PCDH15: variants seen among roughly 807,000 people sequenced by gnomAD.
The protein encoded by PCDH15 is protocadherin-15.
PCDH15 carries 129 observed loss-of-function variants against 178.5 expected under a neutral mutation model. The ratio of observed to expected loss-of-function variants is 0.72; its 90% CI spans 0.63 to 0.84. The LOEUF is 0.84. PCDH15 is among the 40% of genes least tolerant of loss of function. The probability of loss-of-function intolerance (pLI) is 0.00; values close to 1 mark genes in which losing one functional copy is unlikely to be tolerated. For synonymous variants in PCDH15, 800 were observed against 732.0 expected, an observed-to-expected ratio of 1.09 and a Z score of -1.50; for missense variants, 2,230 against 2,099.9, an observed-to-expected ratio of 1.06 and a Z score of -1.21.
At chr10:55,424,075 GA>G (rs1838690236) in intron 2 of PCDH15, among the ~76,000 whole-genome samples, 1 of 152,076 alleles carries the variant, frequency 6.6e-6, no homozygotes, top group Non-Finnish European at 1.5e-5. Context: ...GAGGCTAAGT[GA>G]AAGATGTTAT....
intron 2 of PCDH15, among the ~76,000 whole-genome samples, chr10:55,091,943 GT>G (rs753528673): frequency 1.6e-4 from 24 of 151,508 alleles, no homozygotes; most frequent in East Asian, 1.2e-3. Context: ...GAAACTGTGG[GT>G]AAAACCAAGA....
chr10:54,830,261 G>T (rs1953200697), intron 3 of PCDH15, among the ~76,000 whole-genome samples: 1 of 152,074 alleles, frequency 6.6e-6, no homozygotes, highest in South Asian at 2.1e-4. Flanking sequence ...TATAAATCAT[G>T]CTGCTATAAA....
intron 1 of PCDH15, among the ~76,000 whole-genome samples, chr10:55,313,792 A>C (rs1469348724): frequency 2.6e-5 from 4 of 152,254 alleles, no homozygotes; most frequent in South Asian, 2.1e-4. Context: ...GGGACCTGAA[A>C]AACATTGCTG....
intron 2 of PCDH15, among the ~76,000 whole-genome samples, chr10:55,131,673 T>G (rs1591927286): frequency 6.6e-6 from 1 of 151,858 alleles, no homozygotes; most frequent in African/African-American, 2.4e-5. Flanking sequence ...GTTGTGCTGG[T>G]GTCTATGCAG....
At chr10:54,724,921 GA>G (rs1942255780) in intron 1 of PCDH15, among the ~76,000 whole-genome samples, 1 of 142,014 alleles carries the variant, frequency 7.0e-6, no homozygotes, top group Non-Finnish European at 1.6e-5. Context: ...TATAGATATA[GA>G]TATAGATATA....
intron 29 of PCDH15, 52 bp from the exon 30 acceptor site, chr10:53,831,585 T>C (rs1328467068): frequency 7.6e-7 from 1 of 1,309,860 alleles, no homozygotes; most frequent in Admixed American, 1.9e-5. Flanking sequence ...AGAAAGAGCA[T>C]TTTAAAAATA....
intron 2 of PCDH15, among the ~76,000 whole-genome samples, chr10:55,416,051 GCAAACAAACAAACAAA>G (rs142167707): frequency 0.017 from 2,592 of 150,268 alleles, 91 homozygotes; most frequent in African/African-American, 0.059. Flanking sequence ...AAACAAACAA[GCAAACAAACAAACAAA>G]CAAACAAACA....
chr10:54,312,617 T>C (rs1263978372), intron 8 of PCDH15, among the ~76,000 whole-genome samples: 2 of 152,096 alleles, frequency 1.3e-5, no homozygotes, highest in Admixed American at 6.6e-5. Flanking sequence ...TATAAGAGGC[T>C]TCAGTGGGGT....
chr10:54,197,816 TG>T (rs1270140603), intron 10 of PCDH15, among the ~76,000 whole-genome samples: 1 of 152,188 alleles, frequency 6.6e-6, no homozygotes, highest in East Asian at 1.9e-4. Flanking sequence ...ATTGAAGATT[TG>T]TTGAAATATT....
At chr10:55,486,652 A>G (rs1280979290) in intron 2 of PCDH15, among the ~76,000 whole-genome samples, 2 of 151,386 alleles carry the variant, frequency 1.3e-5, no homozygotes, top group African/African-American at 2.4e-5. Context: ...ATAGGCTCAT[A>G]GTTTTGCTGA....
intron 3 of PCDH15, among the ~76,000 whole-genome samples, chr10:54,806,988 T>A (rs753235504): frequency 6.6e-6 from 1 of 152,186 alleles, no homozygotes; most frequent in African/African-American, 2.4e-5. Flanking sequence ...AGGACTGATA[T>A]CCTATCACCT....
At chr10:53,910,764 TA>T (rs572599337) in intron 25 of PCDH15, among the ~76,000 whole-genome samples, 4 of 152,026 alleles carry the variant, frequency 2.6e-5, no homozygotes, top group Admixed American at 1.3e-4. Context: ...CTAAAAACCT[TA>T]AAAAAAGATT....
chr10:55,092,246 C>T (rs940261921), intron 2 of PCDH15, among the ~76,000 whole-genome samples: 2 of 151,784 alleles, frequency 1.3e-5, no homozygotes, highest in African/African-American at 4.8e-5. Context: ...TCACCCTTTA[C>T]AAATAATAGC....
At chr10:54,265,049 G>T (rs2057580969) in intron 8 of PCDH15, among the ~76,000 whole-genome samples, 1 of 152,130 alleles carries the variant, frequency 6.6e-6, no homozygotes, top group African/African-American at 2.4e-5. Flanking sequence ...AACCCCATCA[G>T]ACTAACTGGT....
At chr10:54,696,038 T>C (rs1236543445) in intron 1 of PCDH15, among the ~76,000 whole-genome samples, 4 of 152,034 alleles carry the variant, frequency 2.6e-5, no homozygotes, top group South Asian at 4.1e-4. Context: ...ATTCAAGTTT[T>C]ATTATTTAAG....
chr10:54,063,826 C>T (rs1446420496), intron 18 of PCDH15, among the ~76,000 whole-genome samples: 3 of 152,140 alleles, frequency 2.0e-5, no homozygotes, highest in Admixed American at 1.3e-4. Context: ...CCGCCCTCTC[C>T]CAGCAAACCT....
intron 1 of PCDH15, among the ~76,000 whole-genome samples, chr10:55,214,685 C>G (rs929443699): frequency 6.6e-6 from 1 of 151,924 alleles, no homozygotes; most frequent in Non-Finnish European, 1.5e-5. Flanking sequence ...CTACATTGCT[C>G]AGGCTGCTCT....
At chr10:53,896,941 T>G (rs2133569869) in intron 26 of PCDH15, among the ~76,000 whole-genome samples, 1 of 152,324 alleles carries the variant, frequency 6.6e-6, no homozygotes, top group East Asian at 1.9e-4. Context: ...TATTTCATTA[T>G]ATATTACGAT....
chr10:54,034,775 A>C (rs1201217899), intron 18 of PCDH15, among the ~76,000 whole-genome samples: 1 of 151,866 alleles, frequency 6.6e-6, no homozygotes, highest in East Asian at 1.9e-4. Context: ...ATAGTAGGTA[A>C]CTATTTTAGA....
Sources: allele counts gnomAD v4.1 joint callset (sites outside exome capture counted in the v4.1 genomes callset), GRCh38; gene constraint gnomAD v4.1.1; transcripts MANE v1.5; gene names NCBI Gene and HGNC (gene_info 2026-07-23, HGNC 2026-07-21).